The following CC2D2B variants were observed in gnomAD, a reference collection of about 807,000 sequenced individuals.
The protein encoded by CC2D2B is protein CC2D2B.
Under a neutral mutation model 161.2 loss-of-function variants are expected in CC2D2B, and 128 were observed. The observed-to-expected ratio is 0.79, with a 90% CI of 0.69 to 0.92. The LOEUF (loss-of-function observed/expected upper bound fraction) is 0.92. Among genes scored for constraint, CC2D2B ranks in the 40% least tolerant of loss-of-function variants. CC2D2B has a pLI of 0.00. For synonymous variants in CC2D2B, 391 were observed against 449.8 expected (o/e 0.87, Z 1.65); for missense variants, 1,173 against 1,375.1 (o/e 0.85, Z 2.32).
chr10:96,029,282 A>ATG (rs2079947604), intron 34 of CC2D2B, among the ~76,000 whole-genome samples: 5 of 53,262 alleles, frequency 9.4e-5, no homozygotes, highest in Non-Finnish European at 1.1e-4. Flanking sequence ...ATATATATAT[A>ATG]TATGTATATA....
At chr10:95,995,166 T>C (rs2078183596) in intron 22 of CC2D2B, 103 bp from the exon 23 acceptor site, 2 of 546,384 alleles carry the variant, frequency 3.7e-6, no homozygotes, top group African/African-American at 3.9e-5. Context: ...CCAGAGAAAC[T>C]GACTTATATA....
At chr10:96,015,916 A>G (rs549337034) in intron 29 of CC2D2B, among the ~76,000 whole-genome samples, 2 of 152,204 alleles carry the variant, frequency 1.3e-5, no homozygotes, top group Non-Finnish European at 2.9e-5. Context: ...TGTCCTAAAC[A>G]AAAACATCCC....
chr10:96,018,978 AT>A, intron 30 of CC2D2B: 1 of 341,080 alleles, frequency 2.9e-6, no homozygotes, highest in Non-Finnish European at 5.3e-6. Flanking sequence ...TAAAAAAAAA[AT>A]TTTTTGTGAT....
chr10:95,972,444 G>T (rs944603974), intron 16 of CC2D2B, among the ~76,000 whole-genome samples: 2 of 152,028 alleles, frequency 1.3e-5, no homozygotes, highest in African/African-American at 4.8e-5. Flanking sequence ...GCCTCCAGTA[G>T]CTGGGATTAC....
chr10:95,960,961 A>G (rs770381055), intron 11 of CC2D2B, among the ~76,000 whole-genome samples: 2 of 152,148 alleles, frequency 1.3e-5, no homozygotes, highest in African/African-American at 2.4e-5. Flanking sequence ...AATCTAAGCC[A>G]ATCCCTCACC....
intron 19 of CC2D2B, 76 bp from the exon 20 acceptor site, chr10:95,988,174 G>C: frequency 2.1e-6 from 1 of 472,700 alleles, no homozygotes; most frequent in Non-Finnish European, 3.4e-6. Flanking sequence ...GAAGTGACTA[G>C]TGATATTTAT....
chr10:95,942,312 T>C (rs1207115336), intron 9 of CC2D2B, among the ~76,000 whole-genome samples: 1 of 151,896 alleles, frequency 6.6e-6, no homozygotes, highest in Non-Finnish European at 1.5e-5. Flanking sequence ...TGTTTTGTAT[T>C]TTTTACCATA....
chr10:95,930,691 A>T (rs1452803524), intron 6 of CC2D2B, among the ~76,000 whole-genome samples: 1 of 152,188 alleles, frequency 6.6e-6, no homozygotes, highest in African/African-American at 2.4e-5. Flanking sequence ...GATTATGTTT[A>T]TTGATTTTCA....
intron 32 of CC2D2B, 125 bp downstream of exon 32, chr10:96,019,949 TTAAAAACTAGTTTTCTC>T: frequency 1.1e-6 from 1 of 900,504 alleles, no homozygotes; most frequent in South Asian, 2.1e-5. Context: ...CAATATTAAT[TTAAAAACTAGTTTTCTC>T]TGCCATCCAG....
chr10:95,962,932 G>A (rs959009925), intron 12 of CC2D2B, among the ~76,000 whole-genome samples: 2 of 152,004 alleles, frequency 1.3e-5, no homozygotes, highest in Non-Finnish European at 2.9e-5. Context: ...GCAACAAAGA[G>A]GAGACACAGA....
At chr10:96,018,074 A>G (rs1044705137) in intron 30 of CC2D2B, among the ~76,000 whole-genome samples, 1 of 152,180 alleles carries the variant, frequency 6.6e-6, no homozygotes, top group African/African-American at 2.4e-5. Context: ...TTAACCTCTG[A>G]TTCTTTATAT....
At position 95,994,581 on chromosome 10, in the gene CC2D2B, C is replaced by T. The variant is rs555243969; in HGVS notation, c.2643-688C>T. ...CCCTGACTCCTCCAAGGAAAGGAGACTCCTTTCACAGTCTGCTAAGTAACG... is the reference window on the plus strand; with the variant it reads ...CCCTGACTCCTCCAAGGAAAGGAGATTCCTTTCACAGTCTGCTAAGTAACG... On this transcript the variant is annotated intron_variant, in intron 22 of 34. Coordinates refer to ENST00000646931, the MANE Select transcript of CC2D2B (RefSeq NM_001349008.3). Among the ~76,000 whole-genome samples, 4 of 152,300 alleles carry T rather than the reference C, an allele frequency of 2.6e-5. No homozygotes were observed. The South Asian group carries it at 8.3e-4, about 32-fold the overall frequency.
intron 17 of CC2D2B, among the ~76,000 whole-genome samples, chr10:95,980,570 G>A (rs553066519): frequency 8.5e-5 from 13 of 152,240 alleles, no homozygotes; most frequent in African/African-American, 2.9e-4. Flanking sequence ...TGTAAAGGGT[G>A]TCAGGTCCTA....
chr10:95,914,651 GCACT>G (rs1200429177), intron 2 of CC2D2B, among the ~76,000 whole-genome samples: 1 of 152,142 alleles, frequency 6.6e-6, no homozygotes, highest in Non-Finnish European at 1.5e-5. Context: ...TCCCCTGCTT[GCACT>G]CACTCTGTCC....
At chr10:95,926,873 T>TGTGTGTGTGTGC (rs397766895) in intron 5 of CC2D2B, among the ~76,000 whole-genome samples, 18 of 150,268 alleles carry the variant, frequency 1.2e-4, no homozygotes, top group African/African-American at 3.9e-4. Flanking sequence ...TGTGTGTGTG[T>TGTGTGTGTGTGC]GCGCGCGCCT....
At chr10:96,030,390 A>C (rs2080014936) in intron 34 of CC2D2B, among the ~76,000 whole-genome samples, 2 of 151,962 alleles carry the variant, frequency 1.3e-5, no homozygotes, top group Non-Finnish European at 2.9e-5. Context: ...AAACTGGCCC[A>C]GTGGGTTTTT....
At position 95,962,432 on chromosome 10, in the gene CC2D2B, C is replaced by T. The variant is rs537766133; in HGVS notation, c.1250+463C>T. Among the ~76,000 whole-genome samples, 13 of 152,262 alleles carry T rather than the reference C, an allele frequency of 8.5e-5. No homozygotes were observed. The South Asian group carries it at 2.7e-3, about 32-fold the overall frequency. On this transcript the variant is annotated intron_variant, in intron 12 of 34. Transcript: ENST00000646931. Reference sequence around the variant, plus strand: ...TGGAAAGGATGCTGAGCAATAGAAACTTATTCATTGCTGATGGGAATGCAA... The same window carrying T: ...TGGAAAGGATGCTGAGCAATAGAAATTTATTCATTGCTGATGGGAATGCAA...
In CC2D2B at chr10:96,009,921, G is replaced by A; in HGVS notation, c.3043G>A (p.Glu1015Lys). ...FPFSALLQQS[E>K]ISGTFQVTIP... The stretch of plus-strand genomic sequence containing the variant: ...TTTTTCTGCTCTTCTGCAACAATCT[G>A]AGGTAAGAGAAAATGCTTCTTTGCT... Residue 1015 changes from glutamate (E) to lysine (K), a missense_variant and splice_region_variant, in exon 26 of 35, where the codon GAG (glutamate) becomes AAG (lysine). By Grantham distance (56) the Glu-to-Lys change is moderately conservative (BLOSUM62 1). Transcript: ENST00000646931. 1 of 1,591,152 alleles carries A rather than the reference G, an allele frequency of 6.3e-7. No homozygotes were observed. The highest frequency in any genetic ancestry group is 8.6e-7 in the Non-Finnish European group (1 of 1,162,592).
chr10:95,933,132 A>G (rs138548798), intron 6 of CC2D2B, among the ~76,000 whole-genome samples: 89 of 151,468 alleles, frequency 5.9e-4, no homozygotes, highest in Non-Finnish European at 1.1e-3. Context: ...CATTAAGTTG[A>G]TCTTCAATCT....
Sources: gnomAD v4.1 joint callset for allele counts (sites outside exome capture counted in the v4.1 genomes callset) on GRCh38, gnomAD v4.1.1 for gene constraint, MANE v1.5 for transcripts, NCBI Gene and HGNC (gene_info 2026-07-23, HGNC 2026-07-21) for gene names.